Variants in CHD5 observed in about 807,000 individuals in gnomAD.
CHD5 encodes the protein chromodomain helicase DNA binding protein 5.
In CHD5, 69 loss-of-function variants were observed where a neutral mutation model predicts 230.3. The ratio of observed to expected loss-of-function variants is 0.30; its 90% confidence interval spans 0.25 to 0.37. The LOEUF (loss-of-function observed/expected upper bound fraction) is 0.37, where lower values mean the gene tolerates loss of function less well. Ranked by LOEUF, CHD5 falls within the 10% of genes least tolerant of loss-of-function variation. CHD5 has a pLI of 1.00. For missense variants in CHD5, 1,827 were observed against 2,622.8 expected (o/e 0.70, Z 6.63); for synonymous variants, 1,064 against 1,065.9 (o/e 1.00, Z 0.03).
intron 3 of CHD5, among the ~76,000 whole-genome samples, chr1:6,156,104 C>T (rs975541239): frequency 2.6e-5 from 4 of 152,218 alleles, no homozygotes; most frequent in Non-Finnish European, 5.9e-5. Context: ...GACACCAGGG[C>T]AGGACAACAG....
Position 6,136,608 on chromosome 1 carries a change from C to T in CHD5, c.2605G>A (p.Asp869Asn). The part of the protein sequence containing the change: ...FFRVLNSYKI[D>N]YKLLLTGTPL... Reference sequence around the variant, plus strand: ...GTCCCTGTCAGCAGCAGCTTGTAATCAATCTTGTAGCTGTTTAAGACCCTA... The same window carrying T: ...GTCCCTGTCAGCAGCAGCTTGTAATTAATCTTGTAGCTGTTTAAGACCCTA... Residue 869 changes from aspartate to asparagine, a missense_variant, in exon 17 of 42, where the codon GAT (aspartate) becomes AAT (asparagine). By Grantham distance (23) the Asp-to-Asn change is conservative. Coordinates refer to ENST00000262450, the MANE Select transcript of CHD5 (RefSeq NM_015557.3). 6.2e-7 allele frequency: 1 copy of T among 1,614,160 alleles called. No homozygotes were observed. The highest frequency in any genetic ancestry group is 8.5e-7 in the Non-Finnish European group (1 of 1,180,034).
chr1:6,117,157 G>A (rs1666390775), intron 33 of CHD5, among the ~76,000 whole-genome samples: 1 of 151,954 alleles, frequency 6.6e-6, no homozygotes, highest in Non-Finnish European at 1.5e-5. Context: ...AGAGAAAAAA[G>A]GAGAAAAGAG....
At position 6,121,133 on chromosome 1, in the gene CHD5, G is replaced by A; in HGVS notation, c.4884C>T (p.Ala1628=). The A allele has an allele frequency of 6.2e-7, 1 of 1,611,558 alleles. No individual in the cohort carries two copies. Among genetic ancestry groups the A allele is most frequent in the Non-Finnish European group, 8.5e-7 (1 of 1,178,984 alleles). ...REERPEETEK[A]PPSPEQLPRE... is the part of the protein sequence containing the mutation. ...TCGGCAGCTGCTCCGGGGAGGGCGG[G>A]GCCTTCTCCGTCTCCTCTGGCCGCT... is the stretch of plus-strand genomic sequence containing the variant. Residue 1628 remains alanine (A), a synonymous_variant, in exon 33 of 42, where the codon GCC becomes GCT. Transcript: ENST00000262450. The surrounding 1 kb of genome is among the most constrained non-coding windows in gnomAD (Gnocchi z 4.5).
chr1:6,144,160 A>G lies in CHD5; in HGVS notation c.1803-5T>C. On this transcript the variant is annotated splice_region_variant and splice_polypyrimidine_tract_variant and intron_variant, in intron 11 of 41. Transcript: ENST00000262450. ...ACATCCCCCTTCTTGTCAAAGCTGC[A>G]ACACGGTGAACAGATGTGGGTCGCT... The G allele has an allele frequency of 6.2e-7, 1 of 1,614,168 alleles. No homozygotes were observed. The highest frequency in any genetic ancestry group is 8.5e-7 in the Non-Finnish European group (1 of 1,180,036).
chr1:6,130,219 C>T lies in CHD5; in HGVS notation c.3372G>A (p.Pro1124=), dbSNP rs1490320826. The part of the protein sequence containing the change: ...TVIIYDSDWN[P]HNDIQAFSRA... ...CAGCACAGACCTGGATGTCATTGTG[C>T]GGGTTCCAGTCCGAGTCGTAGATGA... Residue 1124 remains proline (P), a synonymous_variant, in exon 22 of 42, where the codon CCG becomes CCA. Coordinates refer to ENST00000262450, the MANE Select transcript of CHD5 (RefSeq NM_015557.3). This position sits in a 1 kb window ranked among gnomAD's most constrained non-coding sequence, Gnocchi z 4.9. 1.1e-5 allele frequency: 18 copies of T among 1,613,962 alleles called. No homozygotes were observed. The highest frequency in any genetic ancestry group is 2.2e-5 in the East Asian group (1 of 44,878).
At chr1:6,171,205 C>T (rs891392566) in intron 1 of CHD5, among the ~76,000 whole-genome samples, 1 of 152,204 alleles carries the variant, frequency 6.6e-6, no homozygotes, top group African/African-American at 2.4e-5. Context: ...GGGATCTGCC[C>T]GTGGGTAAGG....
intron 30 of CHD5, 107 bp from the exon 31 acceptor site, chr1:6,124,214 G>GATCCCTGA: frequency 8.9e-7 from 1 of 1,128,256 alleles, no homozygotes; most frequent in South Asian, 1.5e-5. Flanking sequence ...TCACAGGCTT[G>GATCCCTGA]GGGTAGCTGC....
At chr1:6,158,779 G>A (rs896275267) in intron 3 of CHD5, among the ~76,000 whole-genome samples, 3 of 151,956 alleles carry the variant, frequency 2.0e-5, no homozygotes, top group Admixed American at 6.6e-5. Flanking sequence ...AGGCCGAGGC[G>A]GGCGGATCAC....
In CHD5 at chr1:6,106,668, C is replaced by T. The variant is rs752426937; in HGVS notation, c.5690G>A (p.Arg1897His). 2 of 1,609,494 alleles carry T rather than the reference C, an allele frequency of 1.2e-6. No homozygotes were observed. The highest frequency in any genetic ancestry group is 1.7e-5 in the Admixed American group (1 of 59,706). Residue 1897 changes from arginine to histidine, a missense_variant, in exon 39 of 42, where the codon CGC becomes CAC. Physicochemically the swap from Arg to His is conservative, Grantham distance 29. Transcript: ENST00000262450. ...GTTGGTCAGGCGGCTCAGGATGCTGCGCTCCGACATCTGCAGCCGGGCGGC... is the reference window on the plus strand; with the variant it reads ...GTTGGTCAGGCGGCTCAGGATGCTGTGCTCCGACATCTGCAGCCGGGCGGC... ...PVAARLQMSE[R>H]SILSRLTNRA... is the part of the protein sequence containing the mutation.
chr1:6,150,665 G>A (rs1666991364), intron 7 of CHD5, among the ~76,000 whole-genome samples: 1 of 152,046 alleles, frequency 6.6e-6, no homozygotes. Flanking sequence ...GGAAGGTGAG[G>A]TAAAGATGGG....
chr1:6,123,529 C>T (rs1666504438), intron 31 of CHD5, among the ~76,000 whole-genome samples: 1 of 151,926 alleles, frequency 6.6e-6, no homozygotes. Flanking sequence ...CAGGTTCAAG[C>T]GATTCTCCTG....
Position 6,125,658 on chromosome 1 carries a change from T to C in CHD5, c.4172-46A>G. The C allele has an allele frequency of 1.9e-6, 3 of 1,609,914 alleles. No homozygotes were observed. The highest frequency in any genetic ancestry group is 2.6e-6 in the Non-Finnish European group (3 of 1,176,382). ...GTTCCTCAGGTGGGAGCCCAGAGATTCCTGATCCCCAAGGACAGCGGGACC... is the reference window on the plus strand; with the variant it reads ...GTTCCTCAGGTGGGAGCCCAGAGATCCCTGATCCCCAAGGACAGCGGGACC... On this transcript the variant is annotated intron_variant, in intron 27 of 41. Coordinates refer to ENST00000262450, the MANE Select transcript of CHD5 (RefSeq NM_015557.3). This position sits in a 1 kb window ranked among gnomAD's most constrained non-coding sequence, Gnocchi z 6.7.
chr1:6,134,078 G>A lies in CHD5; in HGVS notation c.3144+50C>T, dbSNP rs933783724. The stretch of plus-strand genomic sequence containing the variant: ...GCGCCCCCAAGCATCAGGGCAGGAT[G>A]CTCTCTGTGGGGTGTGGAGCCGGGG... On this transcript the variant is annotated intron_variant, in intron 20 of 41. Coordinates refer to ENST00000262450, the MANE Select transcript of CHD5 (RefSeq NM_015557.3). The surrounding 1 kb of genome is among the most constrained non-coding windows in gnomAD (Gnocchi z 6.3). 3 of 1,585,930 alleles carry A rather than the reference G, an allele frequency of 1.9e-6. No homozygotes were observed. The African/African-American group carries it at 4.0e-5, about 21-fold the overall frequency.
At chr1:6,138,918 G>C (rs925896584) in intron 15 of CHD5, among the ~76,000 whole-genome samples, 23 of 152,196 alleles carry the variant, frequency 1.5e-4, no homozygotes, top group African/African-American at 5.5e-4. Context: ...CCCTGTGATG[G>C]GGGTTCTCCA....
At chr1:6,157,634 C>A (rs1156740498) in intron 3 of CHD5, among the ~76,000 whole-genome samples, 2 of 152,212 alleles carry the variant, frequency 1.3e-5, no homozygotes, top group Non-Finnish European at 2.9e-5. Context: ...AGAGCCCATT[C>A]TTGCCTCCTG....
chr1:6,142,615 A>C lies in CHD5; in HGVS notation c.2044-10T>G. The C allele has an allele frequency of 6.2e-7, 1 of 1,606,256 alleles. No homozygotes were observed. The highest frequency in any genetic ancestry group is 8.5e-7 in the Non-Finnish European group (1 of 1,176,134). On this transcript the variant is annotated splice_polypyrimidine_tract_variant and intron_variant, in intron 13 of 41. Transcript: ENST00000262450. The surrounding 1 kb of genome is among the most constrained non-coding windows in gnomAD (Gnocchi z 5.2). ...CGAACTTGACCGTGGGCTGCAGGGG[A>C]GGCAGCGGTTCAGACACGCCCCAGA...
chr1:6,160,906 G>A (rs1168232015), intron 2 of CHD5, among the ~76,000 whole-genome samples: 1 of 152,226 alleles, frequency 6.6e-6, no homozygotes, highest in East Asian at 1.9e-4. Flanking sequence ...AGAGACACAA[G>A]TCAACTGGCG....
At chr1:6,112,003 C>T in intron 35 of CHD5, 120 bp from the exon 36 acceptor site, 2 of 1,381,366 alleles carry the variant, frequency 1.4e-6, no homozygotes, top group African/African-American at 1.4e-5. Flanking sequence ...TCCAGTGTTC[C>T]AGGGTGGCTA....
rs188573411 is a variant in CHD5 at position 6,130,187 on chromosome 1, G to T, written c.3387+17C>A. 6.2e-7 allele frequency: 1 copy of T among 1,613,284 alleles called. No individual in the cohort carries two copies. Among genetic ancestry groups the T allele is most frequent in the Middle Eastern group, 1.7e-4 (1 of 6,048 alleles). On this transcript the variant is annotated intron_variant, in intron 22 of 41. Transcript: ENST00000262450. The surrounding 1 kb of genome is among the most constrained non-coding windows in gnomAD (Gnocchi z 4.9). ...GAGAGGCCCCCTGGGAGGGTGGTGG[G>T]CGGCAGCAGCACAGACCTGGATGTC...
Sources: allele counts gnomAD v4.1 joint callset (sites outside exome capture counted in the v4.1 genomes callset), GRCh38; gene constraint gnomAD v4.1.1; non-coding constraint Gnocchi (gnomAD v3.1); transcripts MANE v1.5; gene names NCBI Gene and HGNC (gene_info 2026-07-23, HGNC 2026-07-21).